CD96: variants seen among roughly 807,000 people sequenced by gnomAD.
CD96 encodes the protein T-cell surface protein tactile.
A neutral mutation model predicts 71.3 loss-of-function variants in CD96; 70 were observed. The ratio of observed to expected loss-of-function variants is 0.98; its 90% CI spans 0.81 to 1.20. The LOEUF (loss-of-function observed/expected upper bound fraction) is 1.20. Ranked by LOEUF, CD96 falls within the 50% of genes most tolerant of loss-of-function variation. The pLI is 0.00. For synonymous variants in CD96, 248 were observed against 233.0 expected (o/e 1.06, Z -0.59); for missense variants, 742 against 677.5 (o/e 1.10, Z -1.06).
At chr3:111,661,723 G>T (rs1940363621) in intron 14 of CD96, among the ~76,000 whole-genome samples, 2 of 152,216 alleles carry the variant, frequency 1.3e-5, no homozygotes, top group South Asian at 4.1e-4. Context: ...GGGCTCCCAA[G>T]GCCTTGGAAA....
At chr3:111,602,205 A>G (rs1452181410) in intron 7 of CD96, among the ~76,000 whole-genome samples, 1 of 152,190 alleles carries the variant, frequency 6.6e-6, no homozygotes, top group Non-Finnish European at 1.5e-5. Context: ...GATGTGAGCT[A>G]AAGGACCCTA....
At chr3:111,591,694 G>A (rs1936997285) in intron 5 of CD96, among the ~76,000 whole-genome samples, 1 of 152,200 alleles carries the variant, frequency 6.6e-6, no homozygotes, top group Admixed American at 6.5e-5. Context: ...ACCACAGGTA[G>A]AGAAGGTTCT....
intron 2 of CD96, among the ~76,000 whole-genome samples, chr3:111,566,290 A>G (rs368677234): frequency 1.3e-5 from 2 of 152,014 alleles, no homozygotes; most frequent in Non-Finnish European, 2.9e-5. Context: ...GAAGAAAGCT[A>G]TTAGCATGAG....
chr3:111,657,374 C>G (rs1267428041), intron 14 of CD96, among the ~76,000 whole-genome samples: 1 of 151,548 alleles, frequency 6.6e-6, no homozygotes, highest in Admixed American at 6.6e-5. Context: ...GCTATCACAC[C>G]GCTGCACTCC....
intron 3 of CD96, among the ~76,000 whole-genome samples, chr3:111,573,864 C>G (rs556556799): frequency 2.0e-5 from 3 of 151,638 alleles, no homozygotes; most frequent in Non-Finnish European, 3.0e-5. Context: ...ACTGTAACCT[C>G]TTACCTGATG....
chr3:111,587,405 C>A (rs1209180601), intron 5 of CD96, among the ~76,000 whole-genome samples: 1 of 152,044 alleles, frequency 6.6e-6, no homozygotes, highest in African/African-American at 2.4e-5. Context: ...ATTAGGGACA[C>A]AAGCTCTGCC....
At chr3:111,550,257 T>C (rs1934628900) in intron 2 of CD96, among the ~76,000 whole-genome samples, 1 of 152,120 alleles carries the variant, frequency 6.6e-6, no homozygotes, top group African/African-American at 2.4e-5. Flanking sequence ...GATGGCATTA[T>C]GGAATGGAAG....
chr3:111,645,436 T>A (rs9819529), intron 12 of CD96, among the ~76,000 whole-genome samples: 39,202 of 151,854 alleles, frequency 0.26, 6,009 homozygotes, highest in African/African-American at 0.43. Context: ...TGCTTGGGTG[T>A]TGGCTGCACC....
At chr3:111,576,377 C>T (rs1936222881) in intron 3 of CD96, among the ~76,000 whole-genome samples, 1 of 152,074 alleles carries the variant, frequency 6.6e-6, no homozygotes, top group Non-Finnish European at 1.5e-5. Context: ...CAAAAGTGGG[C>T]CAATATGTCA....
At chr3:111,636,238 G>A (rs1318046820) in intron 10 of CD96, among the ~76,000 whole-genome samples, 1 of 152,054 alleles carries the variant, frequency 6.6e-6, no homozygotes, top group Non-Finnish European at 1.5e-5. Context: ...TCTTCTGGAG[G>A]GCCTGATCAC....
At chr3:111,635,610 G>A (rs932279819) in intron 10 of CD96, among the ~76,000 whole-genome samples, 13 of 152,124 alleles carry the variant, frequency 8.5e-5, no homozygotes, top group Admixed American at 7.9e-4. Flanking sequence ...GAAAAGCCTG[G>A]CACTGTATAC....
chr3:111,665,193 GTA>G (rs1360267425), intron 14 of CD96, among the ~76,000 whole-genome samples: 34 of 151,212 alleles, frequency 2.2e-4, no homozygotes, highest in African/African-American at 3.7e-4. Context: ...GTGTGTGTGT[GTA>G]TGTGTGTGTG....
Position 111,637,398 on chromosome 3 carries a change from A to G in CD96, c.1387+137A>G, listed in dbSNP as rs967569161. On this transcript the variant is annotated intron_variant, in intron 11 of 13. Coordinates refer to ENST00000352690, the MANE Select transcript of CD96 (RefSeq NM_005816.5). Reference sequence around the variant, plus strand: ...GTACATCTTGATGATGAAAATTACAATGAATGGAAACAAAATTCTTCTCAG... The same window carrying G: ...GTACATCTTGATGATGAAAATTACAGTGAATGGAAACAAAATTCTTCTCAG... The G allele has an allele frequency of 5.9e-5, 41 of 696,750 alleles. 1 individual carries two copies. Among genetic ancestry groups the G allele is most frequent in the Non-Finnish European group, 9.8e-5 (37 of 375,882 alleles). The allele number at this position is 696,750 out of a possible 1,614,324, so 43.2% of individuals were successfully genotyped here. A position where few individuals can be genotyped will look rare whatever the true frequency, so the allele number is the denominator to read the frequency against.
At chr3:111,575,615 A>G (rs1226342545) in intron 3 of CD96, among the ~76,000 whole-genome samples, 6 of 152,268 alleles carry the variant, frequency 3.9e-5, no homozygotes, top group African/African-American at 1.2e-4. Context: ...GTAACAGAAT[A>G]TCTGAAACTA....
rs538959799 is a variant in CD96, at chr3:111,657,855, C to T, written c.*53-7672C>T. Among the ~76,000 whole-genome samples, 245 of 152,226 alleles carry T rather than the reference C, an allele frequency of 1.6e-3. 1 individual carries two copies. The highest frequency in any genetic ancestry group is 2.8e-3 in the Non-Finnish European group (188 of 68,012). On this transcript the variant is annotated intron_variant and NMD_transcript_variant, in intron 14 of 14. Transcript: ENST00000494798. ...TTCCCAAGCATCACATCTGGAGACCCATGATGTCCACCTGTCCTTCACTGG... is the reference window on the plus strand; with the variant it reads ...TTCCCAAGCATCACATCTGGAGACCTATGATGTCCACCTGTCCTTCACTGG...
intron 10 of CD96, among the ~76,000 whole-genome samples, chr3:111,626,208 G>A (rs867689354): frequency 1.0e-4 from 15 of 150,398 alleles, no homozygotes; most frequent in African/African-American, 3.2e-4. Flanking sequence ...GGCTGAGGCA[G>A]GAGAATGGTG....
chr3:111,629,937 G>A (rs1215359317), intron 10 of CD96, among the ~76,000 whole-genome samples: 2 of 152,132 alleles, frequency 1.3e-5, no homozygotes, highest in Non-Finnish European at 2.9e-5. Flanking sequence ...ATGAAATTAA[G>A]GCAGAAATCA....
chr3:111,544,994 C>T (rs373135346), intron 1 of CD96, 52 bp from the exon 2 acceptor site: 18 of 1,468,016 alleles, frequency 1.2e-5, no homozygotes, highest in Middle Eastern at 2.2e-4. Flanking sequence ...TTTAATTAAG[C>T]GTCATTCTAT....
intron 13 of CD96, among the ~76,000 whole-genome samples, chr3:111,648,448 C>A (rs767845800): frequency 3.9e-5 from 6 of 152,122 alleles, no homozygotes; most frequent in Non-Finnish European, 8.8e-5. Context: ...AAACACTAAA[C>A]CAGTAGTTAG....
Sources: allele counts gnomAD v4.1 joint callset (sites outside exome capture counted in the v4.1 genomes callset), GRCh38; gene constraint gnomAD v4.1.1; transcripts MANE v1.5; gene names NCBI Gene and HGNC (gene_info 2026-07-23, HGNC 2026-07-21).